Variants in MAGT1 observed in about 807,000 individuals in gnomAD.
The protein encoded by MAGT1 is magnesium transporter 1.
Under a neutral mutation model 28.4 loss-of-function variants are expected in MAGT1, and 4 were observed. The observed-to-expected ratio is 0.14, with a 90% CI of 0.07 to 0.32. The LOEUF (loss-of-function observed/expected upper bound fraction) is 0.32. MAGT1 is among the 10% of genes least tolerant of loss of function. The pLI, the probability that MAGT1 is intolerant of heterozygous loss-of-function variation, is 1.00. For synonymous variants in MAGT1, 89 were observed against 89.7 expected, an observed-to-expected ratio of 0.99 and a Z score of 0.04; for missense variants, 193 against 264.5, an observed-to-expected ratio of 0.73 and a Z score of 1.88.
chrX:77,847,752 C>T (rs2076956293), intron 7 of MAGT1, among the ~76,000 whole-genome samples: 1 of 109,561 alleles, frequency 9.1e-6, no homozygotes, highest in South Asian at 4.0e-4. Flanking sequence ...GCTGGGATTA[C>T]AGGCACATGC....
intron 3 of MAGT1, among the ~76,000 whole-genome samples, chrX:77,865,125 CTAAG>C (rs2077005005): frequency 9.0e-6 from 1 of 111,587 alleles, no homozygotes; most frequent in Non-Finnish European, 1.9e-5. Context: ...GTGGAGATGG[CTAAG>C]TGAGACTGGA....
intron 2 of MAGT1, among the ~76,000 whole-genome samples, chrX:77,872,432 A>G (rs2077022833): frequency 8.9e-6 from 1 of 112,066 alleles, no homozygotes; most frequent in Admixed American, 9.6e-5. Context: ...TTGCTTTCTT[A>G]TTACCTTCAG....
At chrX:77,880,206 C>T (rs1557218268) in intron 1 of MAGT1, among the ~76,000 whole-genome samples, 1 of 109,426 alleles carries the variant, frequency 9.1e-6, no homozygotes, top group East Asian at 2.9e-4. Context: ...AAGTACATCT[C>T]TATGAATGAT....
chrX:77,854,055 T>C, intron 6 of MAGT1, 91 bp from the exon 7 acceptor site: 1 of 675,553 alleles, frequency 1.5e-6, no homozygotes, highest in Non-Finnish European at 2.4e-6. Context: ...AACTATGAAA[T>C]TATTAATTCA....
intron 4 of MAGT1, 42 bp downstream of exon 4, chrX:77,857,315 G>A (rs2076983699): frequency 1.7e-6 from 2 of 1,205,248 alleles, no homozygotes; most frequent in African/African-American, 3.5e-5. Flanking sequence ...GATTCAAAGG[G>A]GATAATGGCC....
chrX:77,883,469 C>CT (rs2077058911), intron 1 of MAGT1, among the ~76,000 whole-genome samples: 1 of 106,164 alleles, frequency 9.4e-6, no homozygotes, highest in Non-Finnish European at 1.9e-5. Context: ...AAGGAATTAT[C>CT]TTTTTTCAGG....
At chrX:77,834,722 T>C (rs1325171214) in intron 8 of MAGT1, among the ~76,000 whole-genome samples, 5 of 110,105 alleles carry the variant, frequency 4.5e-5, no homozygotes, top group African/African-American at 1.7e-4. Flanking sequence ...ATTTCTTGAG[T>C]AATACCCCAG....
At chrX:77,871,614 C>G (rs1603363146) in intron 2 of MAGT1, among the ~76,000 whole-genome samples, 2 of 111,551 alleles carry the variant, frequency 1.8e-5, no homozygotes, top group African/African-American at 6.5e-5. Context: ...GAGGCTGAGG[C>G]AGGCGGATCA....
At chrX:77,846,491 TGGA>T (rs1275123532) in intron 7 of MAGT1, among the ~76,000 whole-genome samples, 14 of 112,328 alleles carry the variant, frequency 1.2e-4, no homozygotes, top group African/African-American at 4.5e-4. Flanking sequence ...TGCATTCCTT[TGGA>T]GGAGGAGAGG....
At chrX:77,857,676 C>T (rs1390911995) in intron 3 of MAGT1, among the ~76,000 whole-genome samples, 179 bp from the exon 4 acceptor site, 2 of 111,448 alleles carry the variant, frequency 1.8e-5, no homozygotes, top group Non-Finnish European at 1.9e-5. Flanking sequence ...AGCAAAGCTG[C>T]CTGTGACCTT....
At chrX:77,874,639 A>C (rs2077028464) in intron 2 of MAGT1, among the ~76,000 whole-genome samples, 1 of 108,361 alleles carries the variant, frequency 9.2e-6, no homozygotes, top group South Asian at 4.0e-4. Context: ...TTGAATTCCA[A>C]ACTTGGATGA....
At chrX:77,854,072 A>T in intron 6 of MAGT1, 108 bp from the exon 7 acceptor site, 1 of 603,359 alleles carries the variant, frequency 1.7e-6, no homozygotes. Flanking sequence ...TTCACCTGAT[A>T]AACCATGTGA....
intron 7 of MAGT1, among the ~76,000 whole-genome samples, chrX:77,850,971 CTT>C (rs1309914869): frequency 1.0e-5 from 1 of 99,711 alleles, no homozygotes. Context: ...CTTTTCTGTT[CTT>C]TTTTTTTTTT....
intron 1 of MAGT1, among the ~76,000 whole-genome samples, chrX:77,890,971 T>C (rs2077080588): frequency 9.0e-6 from 1 of 111,290 alleles, no homozygotes; most frequent in Admixed American, 9.7e-5. Flanking sequence ...CAGTATGCAT[T>C]GCGTGTTCAT....
chrX:77,889,533 G>A (rs1022394568), intron 1 of MAGT1, among the ~76,000 whole-genome samples: 1 of 107,208 alleles, frequency 9.3e-6, no homozygotes, highest in African/African-American at 3.4e-5. Context: ...CACCACGCCC[G>A]GCTAATTTTT....
At chrX:77,837,779 G>A (rs949774282) in intron 8 of MAGT1, among the ~76,000 whole-genome samples, 3 of 111,391 alleles carry the variant, frequency 2.7e-5, no homozygotes, top group African/African-American at 6.5e-5. Context: ...GTCTCACTCC[G>A]TCGCCCAGGC....
At position 77,889,435 on chromosome X, in the gene MAGT1, G is replaced by A. The variant is rs1230405288; in HGVS notation, c.102+5874C>T. Among the ~76,000 whole-genome samples the A allele has an allele frequency of 4.8e-5, 5 of 103,945 alleles. No homozygotes were observed. In the South Asian group the frequency reaches 1.3e-3, roughly 27 times the overall value. The allele number at this position is 103,945 out of a possible 115,157, so 90.3% of individuals were successfully genotyped here. ...CAGGCTGGCTGGAGTGCAGTGGGGCGATCTCGGCTCACTGCAAGCTCTGCC... is the reference window on the plus strand; with the variant it reads ...CAGGCTGGCTGGAGTGCAGTGGGGCAATCTCGGCTCACTGCAAGCTCTGCC... On this transcript the variant is annotated intron_variant, in intron 1 of 9. Coordinates refer to ENST00000618282, the MANE Select transcript of MAGT1 (RefSeq NM_001367916.1).
intron 3 of MAGT1, among the ~76,000 whole-genome samples, chrX:77,858,445 CCTCCCAAAGTG>C: frequency 9.0e-6 from 1 of 111,698 alleles, no homozygotes; most frequent in Middle Eastern, 4.6e-3. Flanking sequence ...CCCGCCTCAG[CCTCCCAAAGTG>C]CTGGGTTTAC....
chrX:77,894,248 T>C (rs1483431666), intron 1 of MAGT1, among the ~76,000 whole-genome samples: 12 of 112,197 alleles, frequency 1.1e-4, no homozygotes, highest in African/African-American at 3.9e-4. Flanking sequence ...CTTTTGACAA[T>C]TGTATATTTT....
Sources: allele counts gnomAD v4.1 joint callset (sites outside exome capture counted in the v4.1 genomes callset), GRCh38; gene constraint gnomAD v4.1.1; transcripts MANE v1.5; gene names NCBI Gene and HGNC (gene_info 2026-07-23, HGNC 2026-07-21).